C6orf52: variants seen among roughly 807,000 people sequenced by gnomAD.
The protein encoded by C6orf52 is putative uncharacterized protein C6orf52.
Under a neutral mutation model 16.6 loss-of-function variants are expected in C6orf52, and 16 were observed. The observed-to-expected ratio is 0.96, with a 90% confidence interval of 0.65 to 1.46. C6orf52 has a LOEUF of 1.46. Among genes scored for constraint, C6orf52 ranks in the 40% most tolerant of loss-of-function variants. The probability of loss-of-function intolerance (pLI) is 0.00; values close to 1 mark genes in which losing one functional copy is unlikely to be tolerated. For missense variants in C6orf52, 166 were observed against 182.3 expected (o/e 0.91, Z 0.52); for synonymous variants, 53 against 61.4 (o/e 0.86, Z 0.64).
intron 1 of C6orf52, among the ~76,000 whole-genome samples, chr6:10,687,973 C>T (rs1346953128): frequency 6.6e-6 from 1 of 152,226 alleles, no homozygotes; most frequent in Non-Finnish European, 1.5e-5. Context: ...AAGACAAATA[C>T]ATTTCTCTCC....
At chr6:10,693,685 G>A (rs1008042609) in intron 1 of C6orf52, among the ~76,000 whole-genome samples, 2 of 152,194 alleles carry the variant, frequency 1.3e-5, no homozygotes, top group African/African-American at 4.8e-5. Flanking sequence ...TTGTAGGAAA[G>A]CTGTAATGTC....
chr6:10,684,823 A>T (rs1768721523), intron 3 of C6orf52: 1 of 1,281,888 alleles, frequency 7.8e-7, no homozygotes, highest in African/African-American at 1.5e-5. Flanking sequence ...ATGTGGGAGT[A>T]AAAGAGCGCC....
At chr6:10,684,323 T>C (rs751454800) in intron 3 of C6orf52, among the ~76,000 whole-genome samples, 18 of 152,032 alleles carry the variant, frequency 1.2e-4, no homozygotes, top group Non-Finnish European at 2.9e-5. Context: ...GCTAATTATA[T>C]AAAAAGAAAA....
At chr6:10,693,405 T>C (rs1414606812) in intron 1 of C6orf52, among the ~76,000 whole-genome samples, 2 of 152,228 alleles carry the variant, frequency 1.3e-5, no homozygotes, top group East Asian at 3.8e-4. Flanking sequence ...AATAACAAGG[T>C]CTTTTCTGCA....
In C6orf52 at chr6:10,687,170, G is replaced by A. The variant is rs1768929099; in HGVS notation, c.72-6C>T. On this transcript the variant is annotated splice_polypyrimidine_tract_variant and splice_region_variant and intron_variant, in intron 2 of 4. Transcript: ENST00000259983. ...CTCTAATAGCAGAGGGGAGACTACA[G>A]GAATGACAATCATCACAACCAACGC... is the stretch of plus-strand genomic sequence containing the variant. 6.5e-7 allele frequency: 1 copy of A among 1,538,468 alleles called. No individual in the cohort carries two copies. Among genetic ancestry groups the A allele is most frequent in the African/African-American group, 1.4e-5 (1 of 72,554 alleles).
At chr6:10,693,939 G>A (rs1769595919) in intron 1 of C6orf52, among the ~76,000 whole-genome samples, 1 of 152,064 alleles carries the variant, frequency 6.6e-6, no homozygotes, top group African/African-American at 2.4e-5. Context: ...ATGTTGCTCA[G>A]GCTCACTTTG....
intron 1 of C6orf52, among the ~76,000 whole-genome samples, chr6:10,694,056 T>G (rs919713121): frequency 6.6e-6 from 1 of 151,910 alleles, no homozygotes; most frequent in Non-Finnish European, 1.5e-5. Flanking sequence ...GGTCGGGAGT[T>G]CAAAACCAGC....
intron 4 of C6orf52, among the ~76,000 whole-genome samples, chr6:10,676,623 T>C (rs968831208): frequency 1.3e-5 from 2 of 152,204 alleles, no homozygotes; most frequent in Non-Finnish European, 2.9e-5. Flanking sequence ...AAGATCAGGG[T>C]AGGGCAACCA....
intron 4 of C6orf52, chr6:10,674,810 ATTTTTTT>A (rs1187713282): frequency 7.2e-6 from 1 of 139,018 alleles, no homozygotes; most frequent in Non-Finnish European, 1.6e-5. Context: ...TATACAATAC[ATTTTTTT>A]TTTTTTTTTG....
chr6:10,675,341 T>C (rs1229579599), intron 4 of C6orf52, among the ~76,000 whole-genome samples: 2 of 152,258 alleles, frequency 1.3e-5, no homozygotes, highest in African/African-American at 2.4e-5. Context: ...TGTTCATCCA[T>C]GTTGCCACAA....
chr6:10,690,447 T>C (rs565782809), intron 1 of C6orf52, among the ~76,000 whole-genome samples: 38 of 152,244 alleles, frequency 2.5e-4, no homozygotes, highest in Middle Eastern at 3.4e-3. Flanking sequence ...GCAACCTCCA[T>C]AGTCCTTGAA....
intron 1 of C6orf52, among the ~76,000 whole-genome samples, chr6:10,688,241 T>C (rs145365815): frequency 1.3e-5 from 2 of 152,252 alleles, no homozygotes; most frequent in East Asian, 3.9e-4. Flanking sequence ...CAAACTTCGA[T>C]GTGCATTCAA....
At chr6:10,685,413 C>G (rs546475107) in intron 3 of C6orf52, among the ~76,000 whole-genome samples, 1 of 151,704 alleles carries the variant, frequency 6.6e-6, no homozygotes, top group South Asian at 2.1e-4. Context: ...AAGAGGCACA[C>G]CTAAAACAGA....
chr6:10,674,759 C>CG (rs1767725319), intron 4 of C6orf52: 1 of 150,646 alleles, frequency 6.6e-6, no homozygotes, highest in Non-Finnish European at 1.5e-5. Flanking sequence ...TCACTACCTT[C>CG]GAATTAGCCT....
chr6:10,694,586 G>GAT lies in C6orf52; in HGVS notation c.-105_-104insAT. ...GCCCACAACAATGCACGCTGCCGGCGCTACAGCCCCTAAGCAACCGGCCGG... is the reference window on the plus strand; with the variant it reads ...GCCCACAACAATGCACGCTGCCGGCGATCTACAGCCCCTAAGCAACCGGCCGG... On this transcript the variant is annotated 5_prime_UTR_variant, in exon 1 of 5. Transcript: ENST00000259983. The GAT allele has an allele frequency of 5.4e-6, 1 of 185,690 alleles. No homozygotes were observed. Among genetic ancestry groups the GAT allele is most frequent in the Non-Finnish European group, 1.2e-5 (1 of 85,594 alleles). The allele number at this position is 185,690 out of a possible 1,614,324, so 11.5% of individuals were successfully genotyped here. A position where few individuals can be genotyped will look rare whatever the true frequency, so the allele number is the denominator to read the frequency against.
At position 10,672,615 on chromosome 6, in the gene C6orf52, T is replaced by C. The variant is rs1767530648; in HGVS notation, c.317-1017A>G. On this transcript the variant is annotated intron_variant, in intron 4 of 4. Coordinates refer to ENST00000259983, the MANE Select transcript of C6orf52 (RefSeq NM_001145020.3). ...TAAATCTGGGAGTTTGAGATCAGCC[T>C]GGGCAACATACTGAGACGTCACTAC... The C allele has an allele frequency of 5.7e-6, 4 of 700,180 alleles. No individual in the cohort carries two copies. The East Asian group carries it at 1.1e-4, about 19-fold the overall frequency. 43.4% of individuals were successfully genotyped at this position (700,180 alleles called of 1,614,324 possible). A position where few individuals can be genotyped will look rare whatever the true frequency, so the allele number is the denominator to read the frequency against.
At chr6:10,685,267 T>C (rs913386360) in intron 3 of C6orf52, among the ~76,000 whole-genome samples, 1 of 121,322 alleles carries the variant, frequency 8.2e-6, no homozygotes, top group African/African-American at 3.3e-5. Flanking sequence ...AAAAAAAGAG[T>C]GCCAAAACCA....
At chr6:10,688,583 T>C (rs1196516774) in intron 1 of C6orf52, among the ~76,000 whole-genome samples, 1 of 152,184 alleles carries the variant, frequency 6.6e-6, no homozygotes, top group Non-Finnish European at 1.5e-5. Flanking sequence ...GGGAGATTGT[T>C]TACAGGATCC....
intron 4 of C6orf52, chr6:10,672,518 G>A (rs571250453): frequency 4.8e-5 from 33 of 682,870 alleles, no homozygotes; most frequent in African/African-American, 3.4e-4. Context: ...TATAAAAAGC[G>A]ACAGCAGGCA....
Sources: allele counts gnomAD v4.1 joint callset (sites outside exome capture counted in the v4.1 genomes callset), GRCh38; gene constraint gnomAD v4.1.1; transcripts MANE v1.5; gene names NCBI Gene and HGNC (gene_info 2026-07-23, HGNC 2026-07-21).